ADAMTS7: variants seen among roughly 807,000 people sequenced by gnomAD.
ADAMTS7 encodes ADAM metallopeptidase with thrombospondin type 1 motif 7.
Under a neutral mutation model 172.6 loss-of-function variants are expected in ADAMTS7, and 89 were observed. The observed-to-expected ratio is 0.52, with a 90% CI of 0.43 to 0.61. ADAMTS7 has a LOEUF of 0.61. Among genes scored for constraint, ADAMTS7 ranks in the 20% least tolerant of loss-of-function variants. The pLI, the probability that ADAMTS7 is intolerant of heterozygous loss-of-function variation, is 0.00. For missense variants in ADAMTS7, 1,973 were observed against 2,355.6 expected (o/e 0.84, Z 3.36); for synonymous variants, 885 against 978.4 (o/e 0.90, Z 1.78).
In ADAMTS7 at chr15:78,776,423, C is replaced by T. The variant is rs1327008868; in HGVS notation, c.1561-90G>A. On this transcript the variant is annotated intron_variant, in intron 10 of 23. Coordinates refer to ENST00000388820, the MANE Select transcript of ADAMTS7 (RefSeq NM_014272.5). ...GAGAACAAGGTGGGTGGGAAGGCTGCGAAAGGCACAGAGGGGAAGGATGGA... is the reference window on the plus strand; with the variant it reads ...GAGAACAAGGTGGGTGGGAAGGCTGTGAAAGGCACAGAGGGGAAGGATGGA... The T allele has an allele frequency of 1.8e-5, 27 of 1,509,348 alleles. No homozygotes were observed. In the East Asian group the frequency reaches 1.8e-4, roughly 10 times the overall value. 93.5% of individuals were successfully genotyped at this position (1,509,348 alleles called of 1,614,324 possible). A position where few individuals can be genotyped will look rare whatever the true frequency, so the allele number is the denominator to read the frequency against.
rs1485718966 is a variant in ADAMTS7 at position 78,763,791 on chromosome 15, G to A, written c.4648C>T (p.Pro1550Ser). The change falls in exon 22 of 24, where the codon CCA becomes TCA. Residue 1550 changes from proline to serine, a missense_variant. Pro to Ser is a moderately conservative substitution (Grantham distance 74). This residue lies in a region of ADAMTS7 where 218 missense variants were observed against 216.9 expected (regional missense o/e 1.01). Transcript: ENST00000388820. ...CTCAGCGCCTCCTCGCAGAGGCCTG[G>A]CTCCGGGCAGGTCACTAGACGCTGC... Reference protein sequence around the residue: ...EQQRLVTCPEPGLCEEALRPN... With the variant: ...EQQRLVTCPESGLCEEALRPN... 3.1e-6 allele frequency: 5 copies of A among 1,588,176 alleles called. No individual in the cohort carries two copies. The highest frequency in any genetic ancestry group is 1.3e-5 in the African/African-American group (1 of 74,632).
At position 78,766,773 on chromosome 15, in the gene ADAMTS7, C is replaced by T; in HGVS notation, c.3138G>A (p.Glu1046=). 6.2e-7 allele frequency: 1 copy of T among 1,610,620 alleles called. No individual in the cohort carries two copies. Among genetic ancestry groups the T allele is most frequent in the Non-Finnish European group, 8.5e-7 (1 of 1,179,838 alleles). Residue 1046 remains glutamate, a synonymous_variant, in exon 19 of 24, where the codon GAG becomes GAA. Coordinates refer to ENST00000388820, the MANE Select transcript of ADAMTS7 (RefSeq NM_014272.5). ...PKPGTMGNAI[E]EEAPELDLPG... ...GCAGGTCCAGCTCTGGAGCCTCCTC[C>T]TCAATGGCGTTGCCCATGGTGCCTG...
At position 78,764,021 on chromosome 15, in the gene ADAMTS7, G is replaced by T; in HGVS notation, c.4498C>A (p.Pro1500Thr). 6.5e-7 allele frequency: 1 copy of T among 1,541,332 alleles called. No homozygotes were observed. Among genetic ancestry groups the T allele is most frequent in the Non-Finnish European group, 8.8e-7 (1 of 1,142,312 alleles). Residue 1500 changes from proline (P) to threonine (T), a missense_variant, in exon 21 of 24, where the codon CCC becomes ACC. By Grantham distance (38) the Pro-to-Thr change is conservative (BLOSUM62 -1). This residue lies in a region of ADAMTS7 where 218 missense variants were observed against 216.9 expected (regional missense o/e 1.01). Transcript: ENST00000388820. ...GCAGGCCCGGGCTGACAATGGAAGG[G>T]CCGCAGTGGCCGGAGGTCCCGTGTG... ...VDTRDLRPLR[P>T]FHCQPGPAKP... is the part of the protein sequence containing the mutation.
At chr15:78,777,861 T>C (rs1346498055) in intron 8 of ADAMTS7, among the ~76,000 whole-genome samples, 5 of 152,070 alleles carry the variant, frequency 3.3e-5, no homozygotes, top group Non-Finnish European at 7.4e-5. Flanking sequence ...CCAGGGCCCT[T>C]CCCTCAGAAG....
At chr15:78,776,971 G>A (rs2055356699) in intron 9 of ADAMTS7, 130 bp from the exon 10 acceptor site, 2 of 741,090 alleles carry the variant, frequency 2.7e-6, no homozygotes, top group East Asian at 2.7e-5. Flanking sequence ...GACCCCCAGA[G>A]GTTCCTTCTT....
At chr15:78,787,650 C>T (rs1401243274) in intron 8 of ADAMTS7, among the ~76,000 whole-genome samples, 1 of 152,048 alleles carries the variant, frequency 6.6e-6, no homozygotes, top group Non-Finnish European at 1.5e-5. Flanking sequence ...GGCAACACAG[C>T]GAGACTCTGT....
In ADAMTS7 at chr15:78,768,270, C is replaced by T. The variant is rs761770073; in HGVS notation, c.2519-11G>A. The T allele has an allele frequency of 1.1e-5, 17 of 1,610,188 alleles. No homozygotes were observed. Among genetic ancestry groups the T allele is most frequent in the East Asian group, 6.7e-5 (3 of 44,878 alleles). Reference sequence around the variant, plus strand: ...TCTGCCTCTGCACACCTAGGGGCCACGGGGCTCAGCCTGGGACTGGCACCC... The same window carrying T: ...TCTGCCTCTGCACACCTAGGGGCCATGGGGCTCAGCCTGGGACTGGCACCC... On this transcript the variant is annotated splice_polypyrimidine_tract_variant and intron_variant, in intron 16 of 23. Transcript: ENST00000388820.
chr15:78,809,396 A>C (rs920217471), intron 1 of ADAMTS7, among the ~76,000 whole-genome samples: 1 of 152,104 alleles, frequency 6.6e-6, no homozygotes, highest in Non-Finnish European at 1.5e-5. Context: ...CCCATGCTCT[A>C]TATCTATGGG....
intron 8 of ADAMTS7, among the ~76,000 whole-genome samples, chr15:78,782,524 G>A (rs1025556538): frequency 6.6e-5 from 10 of 152,052 alleles, no homozygotes; most frequent in East Asian, 1.9e-4. Context: ...CAGATTTATC[G>A]CTGCTCCCTT....
chr15:78,769,087 A>G (rs570635431), intron 16 of ADAMTS7, among the ~76,000 whole-genome samples: 6 of 152,106 alleles, frequency 3.9e-5, no homozygotes, highest in East Asian at 1.9e-4. Context: ...ACCCTTCCCA[A>G]TGGCTCAGAG....
intron 22 of ADAMTS7, 130 bp from the exon 23 acceptor site, chr15:78,762,695 T>C (rs2141468662): frequency 1.5e-6 from 1 of 683,734 alleles, no homozygotes; most frequent in Non-Finnish European, 2.1e-6. Flanking sequence ...AGCCGCCCCC[T>C]CAGTGCCTCC....
intron 7 of ADAMTS7, among the ~76,000 whole-genome samples, chr15:78,788,899 A>G (rs2055542118): frequency 6.6e-6 from 1 of 152,264 alleles, no homozygotes. Flanking sequence ...AAGCACTTTC[A>G]GAAACACAAT....
At chr15:78,760,379 CCAG>C in intron 23 of ADAMTS7, among the ~76,000 whole-genome samples, 1 of 152,318 alleles carries the variant, frequency 6.6e-6, no homozygotes, top group Middle Eastern at 3.4e-3. Flanking sequence ...CCTGCTTACT[CCAG>C]CAGACCTCCC....
chr15:78,783,117 C>T (rs1163970620), intron 8 of ADAMTS7, among the ~76,000 whole-genome samples: 1 of 152,148 alleles, frequency 6.6e-6, no homozygotes, highest in Non-Finnish European at 1.5e-5. Flanking sequence ...AGAAAAATGA[C>T]CTCAGATACT....
At chr15:78,808,430 T>G (rs1021833459) in intron 1 of ADAMTS7, among the ~76,000 whole-genome samples, 1 of 152,054 alleles carries the variant, frequency 6.6e-6, no homozygotes, top group African/African-American at 2.4e-5. Flanking sequence ...GAGATGGAGT[T>G]TCACCATGTT....
Position 78,767,442 on chromosome 15 carries a change from A to G in ADAMTS7, c.2796T>C (p.Thr932=). The stretch of plus-strand genomic sequence containing the variant: ...GTACATGGCGGTTGCAAGGGGTTTC[A>G]GTAGGGGGCCGGGGAAGGTGTTCAC... ...PACEHLPRPP[T]ETPCNRHVPC... is the part of the protein sequence containing the mutation. Residue 932 remains threonine, a synonymous_variant, in exon 18 of 24, where the codon ACT becomes ACC. Coordinates refer to ENST00000388820, the MANE Select transcript of ADAMTS7 (RefSeq NM_014272.5). 1 of 1,611,826 alleles carries G rather than the reference A, an allele frequency of 6.2e-7. No homozygotes were observed. Among genetic ancestry groups the G allele is most frequent in the South Asian group, 1.1e-5 (1 of 90,990 alleles).
intron 8 of ADAMTS7, among the ~76,000 whole-genome samples, chr15:78,783,973 T>A (rs898945974): frequency 1.3e-5 from 2 of 152,072 alleles, no homozygotes; most frequent in African/African-American, 4.8e-5. Flanking sequence ...CAATGTATAT[T>A]TAGTGAATGA....
rs1164763227 is a variant in ADAMTS7, at chr15:78,801,146, TC to T, written c.101-600del. Among the ~76,000 whole-genome samples, 3 of 152,266 alleles carry T rather than the reference TC, an allele frequency of 2.0e-5. No homozygotes were observed. The East Asian group carries it at 5.8e-4, about 29-fold the overall frequency. On this transcript the variant is annotated intron_variant, in intron 1 of 23. Coordinates refer to ENST00000388820, the MANE Select transcript of ADAMTS7 (RefSeq NM_014272.5). Reference sequence around the variant, plus strand: ...ACCAAGGGAAAGCAGCCAGAAAGATTCATTCAAAACCAGCGCGATCATCGTC... The same window carrying T: ...ACCAAGGGAAAGCAGCCAGAAAGATTATTCAAAACCAGCGCGATCATCGTC...
intron 1 of ADAMTS7, among the ~76,000 whole-genome samples, chr15:78,808,361 C>T (rs1281645924): frequency 2.0e-5 from 3 of 152,036 alleles, no homozygotes; most frequent in Admixed American, 6.6e-5. Flanking sequence ...CTCAGCCTTC[C>T]GAGGAGCTGG....
Sources: allele counts gnomAD v4.1 joint callset (sites outside exome capture counted in the v4.1 genomes callset), GRCh38; gene constraint gnomAD v4.1.1; regional missense constraint gnomAD v4.1.1; transcripts MANE v1.5; gene names NCBI Gene and HGNC (gene_info 2026-07-23, HGNC 2026-07-21).